The following PIBF1 variants were observed in gnomAD, a reference collection of about 807,000 sequenced individuals.
PIBF1 encodes the protein progesterone immunomodulatory binding factor 1.
A neutral mutation model predicts 112.5 loss-of-function variants in PIBF1; 90 were observed. That is an observed-to-expected ratio of 0.80 (90% CI 0.67 to 0.95). The LOEUF (loss-of-function observed/expected upper bound fraction) is 0.95. Among genes scored for constraint, PIBF1 ranks in the 40% least tolerant of loss-of-function variants. PIBF1 has a pLI of 0.00. For synonymous variants in PIBF1, 301 were observed against 288.6 expected, an observed-to-expected ratio of 1.04 and a Z score of -0.44; for missense variants, 915 against 852.3, an observed-to-expected ratio of 1.07 and a Z score of -0.92.
intron 17 of PIBF1, among the ~76,000 whole-genome samples, chr13:73,004,153 G>A (rs2043957431): frequency 6.6e-6 from 1 of 152,176 alleles, no homozygotes; most frequent in Admixed American, 6.5e-5. Flanking sequence ...CATGGATTTT[G>A]ACAAGTGAAG....
At chr13:72,815,259 G>C (rs1346259650) in intron 5 of PIBF1, among the ~76,000 whole-genome samples, 1 of 152,170 alleles carries the variant, frequency 6.6e-6, no homozygotes, top group Non-Finnish European at 1.5e-5. Flanking sequence ...GTATATTCCA[G>C]CACAGAAAGA....
intron 16 of PIBF1, among the ~76,000 whole-genome samples, chr13:72,978,953 A>G (rs940742579): frequency 6.6e-6 from 1 of 152,130 alleles, no homozygotes; most frequent in African/African-American, 2.4e-5. Context: ...CCAGCACTCA[A>G]AAAGGCCAAG....
At chr13:72,826,923 G>A (rs762425824) in intron 6 of PIBF1, 87 bp from the exon 7 acceptor site, 44 of 629,212 alleles carry the variant, frequency 7.0e-5, no homozygotes, top group Non-Finnish European at 1.1e-4. Context: ...TCTATTCAGC[G>A]TCCTAATACA....
chr13:72,830,782 G>A (rs574225708), intron 8 of PIBF1, among the ~76,000 whole-genome samples: 5 of 152,144 alleles, frequency 3.3e-5, no homozygotes, highest in African/African-American at 1.2e-4. Flanking sequence ...GATGATGCTG[G>A]CCTCATAAAA....
chr13:72,993,200 C>T (rs2043535600), intron 16 of PIBF1, among the ~76,000 whole-genome samples: 1 of 152,018 alleles, frequency 6.6e-6, no homozygotes, highest in East Asian at 1.9e-4. Flanking sequence ...TGGTGCATGC[C>T]TGTAGACCCA....
intron 16 of PIBF1, among the ~76,000 whole-genome samples, chr13:72,995,905 T>C (rs530793379): frequency 3.3e-5 from 5 of 150,328 alleles, no homozygotes; most frequent in Admixed American, 6.7e-5. Context: ...GCCGAGATCT[T>C]GCCACTGCAC....
chr13:72,961,832 A>G (rs911173313), intron 14 of PIBF1, among the ~76,000 whole-genome samples: 4 of 152,180 alleles, frequency 2.6e-5, no homozygotes, highest in African/African-American at 9.7e-5. Context: ...AAAAATAAAG[A>G]ACAAAAACAA....
chr13:72,860,405 A>G (rs369389254), intron 10 of PIBF1, among the ~76,000 whole-genome samples: 2 of 150,934 alleles, frequency 1.3e-5, no homozygotes, highest in East Asian at 1.9e-4. Context: ...TAGAGTGCCT[A>G]TGTTGCCTAT....
At chr13:72,815,378 A>T (rs944507850) in intron 5 of PIBF1, among the ~76,000 whole-genome samples, 5 of 152,336 alleles carry the variant, frequency 3.3e-5, no homozygotes, top group Admixed American at 1.3e-4. Context: ...CGCTTTCTTC[A>T]TATGAGTTTG....
At chr13:72,875,236 A>G (rs900290226) in intron 10 of PIBF1, among the ~76,000 whole-genome samples, 4 of 152,164 alleles carry the variant, frequency 2.6e-5, no homozygotes, top group African/African-American at 9.7e-5. Flanking sequence ...ATGACTTCAT[A>G]GCTCATATCT....
chr13:73,014,663 C>G (rs1168362401), intron 17 of PIBF1, among the ~76,000 whole-genome samples: 1 of 152,130 alleles, frequency 6.6e-6, no homozygotes. Context: ...ATGTGTGGAG[C>G]CGGAGAGTAT....
At chr13:72,971,949 G>T in intron 15 of PIBF1, among the ~76,000 whole-genome samples, 1 of 65,052 alleles carries the variant, frequency 1.5e-5, no homozygotes, top group Non-Finnish European at 2.9e-5. Context: ...ACTGTTTCTT[G>T]AATTAAAAAA....
intron 16 of PIBF1, among the ~76,000 whole-genome samples, chr13:72,988,986 G>A (rs558220252): frequency 5.9e-5 from 9 of 152,124 alleles, no homozygotes; most frequent in African/African-American, 1.4e-4. Flanking sequence ...TGCACTGAGC[G>A]GAAATCATGC....
At chr13:72,963,551 A>G (rs2042661620) in intron 14 of PIBF1, among the ~76,000 whole-genome samples, 1 of 152,098 alleles carries the variant, frequency 6.6e-6, no homozygotes, top group African/African-American at 2.4e-5. Flanking sequence ...CTGAGATCGC[A>G]CCACTGCACT....
At chr13:72,872,023 A>C (rs2039188463) in intron 10 of PIBF1, among the ~76,000 whole-genome samples, 1 of 152,132 alleles carries the variant, frequency 6.6e-6, no homozygotes, top group Admixed American at 6.6e-5. Flanking sequence ...CAGTTTCTGG[A>C]GGGTAAATAG....
At chr13:72,897,425 A>G (rs1051782366) in intron 11 of PIBF1, among the ~76,000 whole-genome samples, 1 of 152,216 alleles carries the variant, frequency 6.6e-6, no homozygotes, top group Non-Finnish European at 1.5e-5. Context: ...AAAAGTACAC[A>G]TGCAACAGAA....
At chr13:72,937,129 G>C (rs1003976383) in intron 14 of PIBF1, among the ~76,000 whole-genome samples, 1 of 151,832 alleles carries the variant, frequency 6.6e-6, no homozygotes, top group Non-Finnish European at 1.5e-5. Context: ...TTCAATTGGA[G>C]ATTTTTTTAG....
chr13:73,013,547 G>A (rs2044282684), intron 17 of PIBF1, among the ~76,000 whole-genome samples: 3 of 151,280 alleles, frequency 2.0e-5, no homozygotes, highest in Non-Finnish European at 4.4e-5. Context: ...TCCTAGCCTG[G>A]GCAACATGGC....
chr13:72,919,928 TG>T (rs1340596870), intron 13 of PIBF1, among the ~76,000 whole-genome samples: 1 of 152,106 alleles, frequency 6.6e-6, no homozygotes, highest in Non-Finnish European at 1.5e-5. Flanking sequence ...GAACCGTGAT[TG>T]TCCACTTACT....
Sources: allele counts gnomAD v4.1 joint callset (sites outside exome capture counted in the v4.1 genomes callset), GRCh38; gene constraint gnomAD v4.1.1; transcripts MANE v1.5; gene names NCBI Gene and HGNC (gene_info 2026-07-23, HGNC 2026-07-21).